Variants in ASH1L observed in about 807,000 individuals in gnomAD.
ASH1L encodes the protein histone-lysine N-methyltransferase ASH1L.
A neutral mutation model predicts 269.0 loss-of-function variants in ASH1L; 23 were observed. The ratio of observed to expected loss-of-function variants is 0.09; its 90% CI spans 0.06 to 0.12. The LOEUF (loss-of-function observed/expected upper bound fraction) is 0.12. Among genes scored for constraint, ASH1L ranks in the 10% least tolerant of loss-of-function variants. ASH1L has a pLI of 1.00. For missense variants in ASH1L, 2,912 were observed against 3,567.8 expected, an observed-to-expected ratio of 0.82 and a Z score of 4.68; for synonymous variants, 1,187 against 1,253.5, an observed-to-expected ratio of 0.95 and a Z score of 1.12.
intron 1 of ASH1L, among the ~76,000 whole-genome samples, chr1:155,538,350 GTT>G (rs1670194096): frequency 7.9e-6 from 1 of 127,194 alleles, no homozygotes; most frequent in South Asian, 2.7e-4. Context: ...GCGTTTTTTT[GTT>G]TGTTTGTTTG....
At chr1:155,497,342 T>G (rs1340165682) in intron 2 of ASH1L, among the ~76,000 whole-genome samples, 1 of 152,148 alleles carries the variant, frequency 6.6e-6, no homozygotes, top group African/African-American at 2.4e-5. Flanking sequence ...CAACAAAAGT[T>G]TGAACTGTGC....
intron 4 of ASH1L, among the ~76,000 whole-genome samples, chr1:155,448,216 TATGCTAGTACC>T (rs1322821511): frequency 6.6e-6 from 1 of 152,258 alleles, no homozygotes; most frequent in African/African-American, 2.4e-5. Context: ...TGTCTATTTT[TATGCTAGTACC>T]ATGCTGTTTT....
chr1:155,500,990 A>T (rs529998928), intron 2 of ASH1L, among the ~76,000 whole-genome samples: 416 of 151,414 alleles, frequency 2.7e-3, no homozygotes, highest in African/African-American at 3.9e-3. Context: ...AACTATATTT[A>T]AAAAAAAAGA....
At chr1:155,391,965 G>A (rs1423063092) in intron 7 of ASH1L, among the ~76,000 whole-genome samples, 1 of 151,856 alleles carries the variant, frequency 6.6e-6, no homozygotes, top group Non-Finnish European at 1.5e-5. Context: ...CAAAAAAATA[G>A]AAATAAAAAT....
At chr1:155,546,050 A>G (rs1670792104) in intron 1 of ASH1L, among the ~76,000 whole-genome samples, 1 of 151,558 alleles carries the variant, frequency 6.6e-6, no homozygotes, top group Non-Finnish European at 1.5e-5. Flanking sequence ...TCCCAACTAC[A>G]CAGGAGCTGA....
chr1:155,419,252 T>A (rs1334600173), intron 5 of ASH1L: 1 of 150,528 alleles, frequency 6.6e-6, no homozygotes. Context: ...ATAATAATAA[T>A]AAAAAAGTTT....
chr1:155,368,869 A>G (rs1046982536), intron 12 of ASH1L, among the ~76,000 whole-genome samples: 1 of 152,224 alleles, frequency 6.6e-6, no homozygotes, highest in Non-Finnish European at 1.5e-5. Context: ...CTCCACATTA[A>G]AAAGTAACAA....
At chr1:155,426,481 G>A (rs1011430226) in intron 5 of ASH1L, among the ~76,000 whole-genome samples, 7 of 152,180 alleles carry the variant, frequency 4.6e-5, no homozygotes, top group South Asian at 2.1e-4. Context: ...GATTACAGGC[G>A]TGAGACACCG....
chr1:155,489,022 C>A (rs1359771771), intron 2 of ASH1L, among the ~76,000 whole-genome samples: 1 of 152,112 alleles, frequency 6.6e-6, no homozygotes, highest in East Asian at 1.9e-4. Context: ...ATGGAGCCAA[C>A]AATGCTTGCT....
chr1:155,471,159 AG>A (rs1175895952), intron 3 of ASH1L, among the ~76,000 whole-genome samples: 2 of 152,244 alleles, frequency 1.3e-5, no homozygotes, highest in Non-Finnish European at 2.9e-5. Context: ...GTAATTGTGA[AG>A]AAGATGGAGA....
rs34813767 is a variant in ASH1L, at chr1:155,543,509, CAAAAAAAA to C, written c.-100+18636_-100+18643del. On this transcript the variant is annotated intron_variant, in intron 1 of 27. Transcript: ENST00000392403. ...TGCATCACAGAGTGAGACTCTGTCT[CAAAAAAAA>C]AAAAAAAAAAAAAAGATTTCAGTAT... is the stretch of plus-strand genomic sequence containing the variant. Among the ~76,000 whole-genome samples, 9 of 57,456 alleles carry C rather than the reference CAAAAAAAA, an allele frequency of 1.6e-4. 1 individual carries two copies. The Admixed American group carries it at 1.8e-3, about 11-fold the overall frequency. 37.7% of individuals were successfully genotyped at this position (57,456 alleles called of 152,430 possible). A position where few individuals can be genotyped will look rare whatever the true frequency, so the allele number is the denominator to read the frequency against.
chr1:155,455,950 TTAAG>T (rs1663833271), intron 4 of ASH1L, among the ~76,000 whole-genome samples: 1 of 152,218 alleles, frequency 6.6e-6, no homozygotes, highest in Non-Finnish European at 1.5e-5. Context: ...CCGTACATTG[TTAAG>T]TGTCACCTTT....
In ASH1L at chr1:155,378,490, C is replaced by T. The variant is rs12048260; in HGVS notation, c.6223+13G>A. On this transcript the variant is annotated intron_variant, in intron 9 of 27. Coordinates refer to ENST00000392403, the MANE Select transcript of ASH1L (RefSeq NM_018489.3). Reference sequence around the variant, plus strand: ...CGTATAGAGGCAGAAAAAATAGCTCCTAAGTTACTCACTTGAACGAATTTT... The same window carrying T: ...CGTATAGAGGCAGAAAAAATAGCTCTTAAGTTACTCACTTGAACGAATTTT... The T allele has an allele frequency of 6.2e-7, 1 of 1,613,476 alleles. No homozygotes were observed. Among genetic ancestry groups the T allele is most frequent in the Non-Finnish European group, 8.5e-7 (1 of 1,179,666 alleles).
At chr1:155,412,890 GTGTT>G (rs1192815613) in intron 6 of ASH1L, among the ~76,000 whole-genome samples, 3 of 146,324 alleles carry the variant, frequency 2.1e-5, no homozygotes, top group South Asian at 2.1e-4. Context: ...AGTCTTCTGT[GTGTT>G]TTTTTTTTTT....
In ASH1L at chr1:155,390,228, C is replaced by A. The variant is rs61812082; in HGVS notation, c.6103+5231G>T. 1.0e-2 allele frequency among the ~76,000 whole-genome samples: 1,520 copies of A among 152,108 alleles called. 12 individuals are homozygous for A. Among genetic ancestry groups the A allele is most frequent in the Non-Finnish European group, 0.017 (1,129 of 67,992 alleles). ...AGGGAATGTTATAAATAATGTTATG[C>A]CAGTATCTTTAATAATTTAGATAAA... On this transcript the variant is annotated intron_variant, in intron 7 of 27. Transcript: ENST00000392403.
intron 4 of ASH1L, among the ~76,000 whole-genome samples, chr1:155,455,380 T>C (rs1663800318): frequency 1.3e-5 from 2 of 152,242 alleles, no homozygotes; most frequent in African/African-American, 2.4e-5. Flanking sequence ...AGTAAAATCA[T>C]ATACTGTTAG....
At chr1:155,448,420 C>CTTAAGTA (rs1033379103) in intron 4 of ASH1L, among the ~76,000 whole-genome samples, 1 of 152,150 alleles carries the variant, frequency 6.6e-6, no homozygotes, top group African/African-American at 2.4e-5. Context: ...ACCTCCTTGG[C>CTTAAGTA]TTAAGTAGTC....
intron 5 of ASH1L, among the ~76,000 whole-genome samples, chr1:155,424,365 C>T (rs904193512): frequency 6.6e-6 from 1 of 151,784 alleles, no homozygotes; most frequent in African/African-American, 2.4e-5. Flanking sequence ...GCAATAACAA[C>T]AAGAGGTGGC....
chr1:155,479,155 T>C lies in ASH1L; in HGVS notation c.3715A>G (p.Thr1239Ala). ...TTTTCTTTAAGACTGCTTAGCACTG[T>C]AGAGGTTTCAGGGGGAATCAGAGAA... is the stretch of plus-strand genomic sequence containing the variant. The part of the protein sequence containing the change: ...HVSLIPPETS[T>A]VLSSLKEKHK... Residue 1239 changes from threonine to alanine, a missense_variant, in exon 3 of 28, where the codon ACA (threonine) becomes GCA (alanine). Physicochemically the swap from Thr to Ala is moderately conservative, Grantham distance 58. This residue lies in a region of ASH1L where 789 missense variants were observed against 897.6 expected (regional missense o/e 0.88). Transcript: ENST00000392403. 6.2e-7 allele frequency: 1 copy of C among 1,614,172 alleles called. No individual in the cohort carries two copies.
Sources: allele counts gnomAD v4.1 joint callset (sites outside exome capture counted in the v4.1 genomes callset), GRCh38; gene constraint gnomAD v4.1.1; regional missense constraint gnomAD v4.1.1; transcripts MANE v1.5; gene names NCBI Gene and HGNC (gene_info 2026-07-23, HGNC 2026-07-21).